Variants in HSPB8 observed in about 807,000 individuals in gnomAD.
HSPB8 encodes the protein heat shock protein family B (small) member 8.
HSPB8 carries 9 observed loss-of-function variants against 16.5 expected under a neutral mutation model. That is an observed-to-expected ratio of 0.55 (90% confidence interval 0.33 to 0.95). The LOEUF (loss-of-function observed/expected upper bound fraction) is 0.95. Ranked by LOEUF, HSPB8 falls within the 40% of genes least tolerant of loss-of-function variation. The pLI is 0.03. For missense variants in HSPB8, 238 were observed against 251.2 expected, an observed-to-expected ratio of 0.95 and a Z score of 0.35; for synonymous variants, 99 against 94.8, an observed-to-expected ratio of 1.04 and a Z score of -0.26.
At chr12:119,188,026 C>G (rs1038262571) in intron 2 of HSPB8, among the ~76,000 whole-genome samples, 1 of 152,046 alleles carries the variant, frequency 6.6e-6, no homozygotes, top group Non-Finnish European at 1.5e-5. Context: ...CTGGGGGAAC[C>G]GTGAGAGCAG....
intron 2 of HSPB8, among the ~76,000 whole-genome samples, chr12:119,193,491 A>G (rs1197206634): frequency 1.3e-5 from 2 of 152,164 alleles, no homozygotes; most frequent in Non-Finnish European, 2.9e-5. Flanking sequence ...TATTATCCTC[A>G]TTTTGCAGAT....
intron 2 of HSPB8, among the ~76,000 whole-genome samples, chr12:119,192,347 A>G (rs1470951127): frequency 6.6e-6 from 1 of 152,070 alleles, no homozygotes; most frequent in East Asian, 1.9e-4. Flanking sequence ...AGTATTGTCT[A>G]TAACTGAGTT....
chr12:119,191,086 C>T (rs1300837528), intron 2 of HSPB8, among the ~76,000 whole-genome samples: 2 of 152,166 alleles, frequency 1.3e-5, no homozygotes, highest in Non-Finnish European at 2.9e-5. Context: ...TTCAATGATC[C>T]TGCAATTTGT....
At position 119,180,787 on chromosome 12, in the gene HSPB8, T is replaced by C. The variant is rs1312926371; in HGVS notation, c.367+1108T>C. 2.0e-5 allele frequency among the ~76,000 whole-genome samples: 3 copies of C among 151,974 alleles called. No individual in the cohort carries two copies. In the East Asian group the frequency reaches 5.8e-4, roughly 29 times the overall value. ...CGGCAGAGGCTTGCCTTCCAGAAAA[T>C]CAGTCAAAGCCATTGCAAACACAGG... is the stretch of plus-strand genomic sequence containing the variant. On this transcript the variant is annotated intron_variant, in intron 1 of 2. Coordinates refer to ENST00000281938, the MANE Select transcript of HSPB8 (RefSeq NM_014365.3).
Position 119,179,516 on chromosome 12 carries a change from G to A in HSPB8, c.204G>A (p.Met68Ile), listed in dbSNP as rs1283385837. 2.5e-6 allele frequency: 4 copies of A among 1,613,740 alleles called. No individual in the cohort carries two copies. Among genetic ancestry groups the A allele is most frequent in the Non-Finnish European group, 2.5e-6 (3 of 1,179,956 alleles). ...SAWPGTLRSG[M>I]VPRGPTATAR... ...GGCCAGGCACCCTAAGGTCGGGCAT[G>A]GTGCCCCGGGGCCCCACTGCCACCG... is the stretch of plus-strand genomic sequence containing the variant. The change falls in exon 1 of 3, where the codon ATG (methionine) becomes ATA (isoleucine). Residue 68 changes from methionine (M) to isoleucine (I), a missense_variant. By Grantham distance (10) the Met-to-Ile change is conservative. Coordinates refer to ENST00000281938, the MANE Select transcript of HSPB8 (RefSeq NM_014365.3).
chr12:119,184,806 T>A (rs184074720), intron 1 of HSPB8, among the ~76,000 whole-genome samples: 2 of 152,210 alleles, frequency 1.3e-5, no homozygotes, highest in Admixed American at 6.5e-5. Flanking sequence ...CTCGCCAACG[T>A]TGGAAACTCT....
intron 1 of HSPB8, among the ~76,000 whole-genome samples, chr12:119,183,414 C>T (rs930892003): frequency 3.9e-5 from 6 of 152,160 alleles, no homozygotes; most frequent in African/African-American, 1.4e-4. Flanking sequence ...TTATTTCCAC[C>T]CCTTCTCCTT....
At chr12:119,182,797 C>T (rs561242049) in intron 1 of HSPB8, 1 of 152,232 alleles carries the variant, frequency 6.6e-6, no homozygotes, top group African/African-American at 2.4e-5. Flanking sequence ...CTCACAAGGA[C>T]CTCCTAGGAA....
At chr12:119,187,999 TA>T (rs1460871427) in intron 2 of HSPB8, among the ~76,000 whole-genome samples, 4 of 151,986 alleles carry the variant, frequency 2.6e-5, no homozygotes, top group African/African-American at 9.7e-5. Flanking sequence ...GATTCATGTT[TA>T]ACAGGGAAAG....
In HSPB8 at chr12:119,179,690, G is replaced by C. The variant is rs1343370823; in HGVS notation, c.367+11G>C. On this transcript the variant is annotated intron_variant, in intron 1 of 2. Coordinates refer to ENST00000281938, the MANE Select transcript of HSPB8 (RefSeq NM_014365.3). ...ACGTGGAGGTGTCTGGTAAGTCAGG[G>C]GCAGGAGGGAGAGAGAATGGGGAGG... 3.2e-6 allele frequency: 5 copies of C among 1,564,988 alleles called. No individual in the cohort carries two copies. The highest frequency in any genetic ancestry group is 3.5e-6 in the Non-Finnish European group (4 of 1,159,296).
At chr12:119,182,592 C>T (rs1217623781) in intron 1 of HSPB8, among the ~76,000 whole-genome samples, 1 of 151,850 alleles carries the variant, frequency 6.6e-6, no homozygotes, top group Non-Finnish European at 1.5e-5. Context: ...GAGCTGAGAC[C>T]GTGCCACTGC....
At chr12:119,179,878 C>T (rs1954626010) in intron 1 of HSPB8, among the ~76,000 whole-genome samples, 199 bp downstream of exon 1, 1 of 152,158 alleles carries the variant, frequency 6.6e-6, no homozygotes, top group Admixed American at 6.5e-5. Flanking sequence ...CTTAACCTGC[C>T]TGACTCAGCT....
intron 1 of HSPB8, chr12:119,186,738 A>C (rs555956677): frequency 1.4e-5 from 6 of 427,108 alleles, no homozygotes; most frequent in South Asian, 1.3e-4. Context: ...TACAACACAG[A>C]AGTTTCTGCG....
At chr12:119,188,078 G>A (rs538896395) in intron 2 of HSPB8, among the ~76,000 whole-genome samples, 41 of 152,212 alleles carry the variant, frequency 2.7e-4, no homozygotes, top group Non-Finnish European at 5.4e-4. Flanking sequence ...AAGCCACCAC[G>A]AGCCCCTAGC....
chr12:119,183,935 G>C (rs945974948), intron 1 of HSPB8, among the ~76,000 whole-genome samples: 1 of 152,148 alleles, frequency 6.6e-6, no homozygotes, highest in Admixed American at 6.5e-5. Flanking sequence ...ACCTTCACAT[G>C]GTACTTTTAC....
At chr12:119,190,972 C>A (rs1452338916) in intron 2 of HSPB8, among the ~76,000 whole-genome samples, 1 of 152,172 alleles carries the variant, frequency 6.6e-6, no homozygotes, top group Non-Finnish European at 1.5e-5. Flanking sequence ...TGGTTAGAGA[C>A]CTTGGACTTG....
At position 119,179,214 on chromosome 12, in the gene HSPB8, A is replaced by G; in HGVS notation, c.-99A>G. The G allele has an allele frequency of 7.8e-7, 1 of 1,288,608 alleles. No homozygotes were observed. The highest frequency in any genetic ancestry group is 1.1e-6 in the Non-Finnish European group (1 of 897,780). The allele number at this position is 1,288,608 out of a possible 1,614,324, so 79.8% of individuals were successfully genotyped here. A position where few individuals can be genotyped will look rare whatever the true frequency, so the allele number is the denominator to read the frequency against. On this transcript the variant is annotated 5_prime_UTR_variant, in exon 1 of 3. Coordinates refer to ENST00000281938, the MANE Select transcript of HSPB8 (RefSeq NM_014365.3). ...AGAAAAGCAGCATTTTCGGAAGCTG[A>G]AGAATAAGCTAGCCCAGCCACACCA...
intron 2 of HSPB8, among the ~76,000 whole-genome samples, chr12:119,191,572 G>T (rs1320568837): frequency 4.1e-5 from 6 of 146,252 alleles, no homozygotes; most frequent in South Asian, 2.2e-4. Flanking sequence ...ACAGGTTGTT[G>T]TACCCACAAA....
rs1954616117 is a variant in HSPB8, at chr12:119,179,109, G to A, written c.-204G>A. On this transcript the variant is annotated 5_prime_UTR_variant, in exon 1 of 3. Transcript: ENST00000281938. Reference sequence around the variant, plus strand: ...TCTGGGATTCTGCTGGATCTGCCCCGGGGGTTACCTTTGGGGGCTGGGACC... The same window carrying A: ...TCTGGGATTCTGCTGGATCTGCCCCAGGGGTTACCTTTGGGGGCTGGGACC... 3 of 648,638 alleles carry A rather than the reference G, an allele frequency of 4.6e-6. No homozygotes were observed. Among genetic ancestry groups the A allele is most frequent in the Non-Finnish European group, 8.3e-6 (3 of 360,174 alleles). The allele number at this position is 648,638 out of a possible 1,614,324, so 40.2% of individuals were successfully genotyped here. A position where few individuals can be genotyped will look rare whatever the true frequency, so the allele number is the denominator to read the frequency against.
Sources: gnomAD v4.1 joint callset for allele counts (sites outside exome capture counted in the v4.1 genomes callset) on GRCh38, gnomAD v4.1.1 for gene constraint, MANE v1.5 for transcripts, NCBI Gene and HGNC (gene_info 2026-07-23, HGNC 2026-07-21) for gene names.